The following PPP4R3A variants were observed in gnomAD, a reference collection of about 807,000 sequenced individuals.
PPP4R3A encodes the protein protein phosphatase 4 regulatory subunit 3A.
In PPP4R3A, 15 loss-of-function variants were observed where a neutral mutation model predicts 91.7. The ratio of observed to expected loss-of-function variants is 0.16; its 90% CI spans 0.11 to 0.25. The LOEUF is 0.25. Ranked by LOEUF, PPP4R3A falls within the 10% of genes least tolerant of loss-of-function variation. The probability of loss-of-function intolerance (pLI) is 1.00; values close to 1 mark genes in which losing one functional copy is unlikely to be tolerated. For missense variants in PPP4R3A, 623 were observed against 998.4 expected, an observed-to-expected ratio of 0.62 and a Z score of 5.07; for synonymous variants, 377 against 348.7, an observed-to-expected ratio of 1.08 and a Z score of -0.91.
intron 1 of PPP4R3A, among the ~76,000 whole-genome samples, chr14:91,497,588 A>C (rs1890661867): frequency 6.6e-6 from 1 of 152,206 alleles, no homozygotes; most frequent in African/African-American, 2.4e-5. Flanking sequence ...TATCATTCCT[A>C]ACAAGTTCTA....
intron 1 of PPP4R3A, among the ~76,000 whole-genome samples, chr14:91,496,215 T>G (rs1566651254): frequency 6.6e-6 from 1 of 152,186 alleles, no homozygotes; most frequent in Non-Finnish European, 1.5e-5. Flanking sequence ...GTTATGTTGT[T>G]TTTTCAATGG....
In PPP4R3A at chr14:91,509,519, C is replaced by T. The variant is rs753707780; in HGVS notation, c.129G>A (p.Arg43=). 1.4e-5 allele frequency: 23 copies of T among 1,594,700 alleles called. No homozygotes were observed. In the East Asian group the frequency reaches 1.6e-4, roughly 11 times the overall value. ...GGCTTCACTTACCGTCGCTCTCAGC[C>T]CTGACAAGCAGGGACATGCCCTTCA... ...ERLKGMSLLV[R]AESDGSLLLE... The change falls in exon 1 of 15, where the codon AGG becomes AGA. Residue 43 remains arginine, a synonymous_variant. Coordinates refer to ENST00000554943, the MANE Select transcript of PPP4R3A (RefSeq NM_001366432.2).
intron 1 of PPP4R3A, among the ~76,000 whole-genome samples, chr14:91,499,820 CA>C (rs3993928): frequency 0.089 from 10,699 of 120,080 alleles, 378 homozygotes; most frequent in Middle Eastern, 0.21. Flanking sequence ...GACTCCACCT[CA>C]AAAAAAAAAA....
At chr14:91,505,444 T>TAA (rs1555353059) in intron 1 of PPP4R3A, among the ~76,000 whole-genome samples, 8 of 39,710 alleles carry the variant, frequency 2.0e-4, no homozygotes, top group East Asian at 6.9e-4. Flanking sequence ...AGATTCTGCC[T>TAA]AAAAAAAAAA....
chr14:91,486,835 C>T (rs954226829), intron 2 of PPP4R3A, among the ~76,000 whole-genome samples: 2 of 141,562 alleles, frequency 1.4e-5, no homozygotes, highest in African/African-American at 2.7e-5. Context: ...ACCCAGGAGG[C>T]GGAGGTTGCA....
chr14:91,475,286 C>A (rs970426847), intron 7 of PPP4R3A: 3 of 153,882 alleles, frequency 1.9e-5, no homozygotes, highest in Non-Finnish European at 2.9e-5. Flanking sequence ...CTTCACATTA[C>A]CAGGATATAT....
chr14:91,480,131 G>C (rs1335001953), intron 4 of PPP4R3A, among the ~76,000 whole-genome samples: 1 of 151,726 alleles, frequency 6.6e-6, no homozygotes, highest in Non-Finnish European at 1.5e-5. Flanking sequence ...CACCAGATCA[G>C]AGAGATTGGG....
At chr14:91,462,684 T>C in intron 12 of PPP4R3A, 51 bp downstream of exon 12, 1 of 1,600,320 alleles carries the variant, frequency 6.2e-7, no homozygotes, top group Non-Finnish European at 8.6e-7. Flanking sequence ...ATAAAGCCAC[T>C]ACCATACGAC....
intron 2 of PPP4R3A, among the ~76,000 whole-genome samples, chr14:91,486,110 T>C (rs760869426): frequency 6.6e-6 from 1 of 152,212 alleles, no homozygotes; most frequent in Admixed American, 6.5e-5. Flanking sequence ...GTTAGGACGA[T>C]AGGGTTAATA....
At position 91,481,974 on chromosome 14, in the gene PPP4R3A, G is replaced by A; in HGVS notation, c.517C>T (p.Leu173Phe). The change falls in exon 4 of 15, where the codon CTC (leucine) becomes TTC (phenylalanine). Residue 173 changes from leucine (L) to phenylalanine (F), a missense_variant. Leu to Phe is a conservative substitution (Grantham distance 22, BLOSUM62 0). Coordinates refer to ENST00000554943, the MANE Select transcript of PPP4R3A (RefSeq NM_001366432.2). Reference sequence around the variant, plus strand: ...TCACACACATGAAAAAGCTCCAGGAGCTTTTTAATATAACCCTCATTTTCT... The same window carrying A: ...TCACACACATGAAAAAGCTCCAGGAACTTTTTAATATAACCCTCATTTTCT... ...ALENEGYIKK[L>F]LELFHVCEDL... 1 of 1,614,048 alleles carries A rather than the reference G, an allele frequency of 6.2e-7. No homozygotes were observed. Among genetic ancestry groups the A allele is most frequent in the Non-Finnish European group, 8.5e-7 (1 of 1,180,024 alleles).
Position 91,461,926 on chromosome 14 carries a change from AAT to A in PPP4R3A, c.2164+121_2164+122del, listed in dbSNP as rs555174388. 3.2e-4 allele frequency: 445 copies of A among 1,383,100 alleles called. 1 individual carries two copies. The Admixed American group carries it at 6.1e-3, about 19-fold the overall frequency. The allele number at this position is 1,383,100 out of a possible 1,614,324, so 85.7% of individuals were successfully genotyped here. A position where few individuals can be genotyped will look rare whatever the true frequency, so the allele number is the denominator to read the frequency against. ...GCTATTCAGTCACATCCCATAAAGC[AAT>A]AGAGTCTTTAAACCGTATGCCATCA... On this transcript the variant is annotated intron_variant, in intron 13 of 14. Coordinates refer to ENST00000554943, the MANE Select transcript of PPP4R3A (RefSeq NM_001366432.2).
intron 1 of PPP4R3A, among the ~76,000 whole-genome samples, chr14:91,508,050 T>C (rs892641574): frequency 3.3e-5 from 5 of 152,204 alleles, no homozygotes; most frequent in Non-Finnish European, 7.3e-5. Flanking sequence ...CAACATACTA[T>C]GTAAAGTTTT....
Position 91,509,920 on chromosome 14 carries a change from G to A in PPP4R3A, c.-273C>T. On this transcript the variant is annotated 5_prime_UTR_variant, in exon 1 of 15. Coordinates refer to ENST00000554943, the MANE Select transcript of PPP4R3A (RefSeq NM_001366432.2). The stretch of plus-strand genomic sequence containing the variant: ...CCGGCAGCCCCGAGGGGGCCGCGCA[G>A]CGCTTCGTAGCCTCCCGCCCCGCAG... 1.6e-5 allele frequency: 17 copies of A among 1,049,804 alleles called. No individual in the cohort carries two copies. Among genetic ancestry groups the A allele is most frequent in the Non-Finnish European group, 1.9e-5 (17 of 872,912 alleles). The allele number at this position is 1,049,804 out of a possible 1,614,324, so 65.0% of individuals were successfully genotyped here.
At chr14:91,464,314 C>A (rs962538059) in intron 11 of PPP4R3A, among the ~76,000 whole-genome samples, 5 of 151,100 alleles carry the variant, frequency 3.3e-5, no homozygotes, top group Non-Finnish European at 7.4e-5. Flanking sequence ...GAGTGAGACT[C>A]TGTCCCCACC....
rs924595876 is a variant in PPP4R3A, at chr14:91,481,978, T to C, written c.513A>G (p.Lys171=). Reference sequence around the variant, plus strand: ...ACACATGAAAAAGCTCCAGGAGCTTTTTAATATAACCCTCATTTTCTAGTG... The same window carrying C: ...ACACATGAAAAAGCTCCAGGAGCTTCTTAATATAACCCTCATTTTCTAGTG... ...ALALENEGYI[K]KLLELFHVCE... Residue 171 remains lysine, a synonymous_variant, in exon 4 of 15, where the codon AAA becomes AAG. Coordinates refer to ENST00000554943, the MANE Select transcript of PPP4R3A (RefSeq NM_001366432.2). 3.1e-6 allele frequency: 5 copies of C among 1,613,992 alleles called. No homozygotes were observed. The Admixed American group carries it at 5.0e-5, about 16-fold the overall frequency.
intron 1 of PPP4R3A, among the ~76,000 whole-genome samples, chr14:91,509,180 A>ACT (rs1292163021): frequency 6.6e-6 from 1 of 152,106 alleles, no homozygotes; most frequent in African/African-American, 2.4e-5. Context: ...TCTCAAGGTC[A>ACT]CTCTAGTGCA....
chr14:91,502,848 T>C (rs1891046599), intron 1 of PPP4R3A, among the ~76,000 whole-genome samples: 2 of 152,232 alleles, frequency 1.3e-5, no homozygotes, highest in Admixed American at 6.5e-5. Context: ...TTTATAAAAT[T>C]CAAGGTAAAA....
intron 11 of PPP4R3A, among the ~76,000 whole-genome samples, chr14:91,465,035 C>T (rs997196669): frequency 6.6e-5 from 10 of 152,146 alleles, no homozygotes; most frequent in Admixed American, 2.0e-4. Context: ...TGGACCGGTC[C>T]GCGGCCAAGG....
At chr14:91,460,313 G>A (rs917192250) in intron 14 of PPP4R3A, among the ~76,000 whole-genome samples, 6 of 151,888 alleles carry the variant, frequency 4.0e-5, no homozygotes, top group Non-Finnish European at 7.4e-5. Flanking sequence ...GCGCCTGGCT[G>A]CTGCTTGCTT....
Sources: gnomAD v4.1 joint callset for allele counts (sites outside exome capture counted in the v4.1 genomes callset) on GRCh38, gnomAD v4.1.1 for gene constraint, MANE v1.5 for transcripts, NCBI Gene and HGNC (gene_info 2026-07-23, HGNC 2026-07-21) for gene names.